ESRRG: variants seen among roughly 807,000 people sequenced by gnomAD.
ESRRG encodes the protein estrogen related receptor gamma.
Under a neutral mutation model 44.0 loss-of-function variants are expected in ESRRG, and 13 were observed. The ratio of observed to expected loss-of-function variants is 0.30; its 90% CI spans 0.19 to 0.47. The LOEUF is 0.47. Among genes scored for constraint, ESRRG ranks in the 20% least tolerant of loss-of-function variants. The pLI, the probability that ESRRG is intolerant of heterozygous loss-of-function variation, is 1.00. For missense variants in ESRRG, 395 were observed against 580.6 expected, an observed-to-expected ratio of 0.68 and a Z score of 3.29; for synonymous variants, 215 against 214.6, an observed-to-expected ratio of 1.00 and a Z score of -0.02.
intron 1 of ESRRG, among the ~76,000 whole-genome samples, chr1:217,088,398 C>CTTTTTTTTTTTTTTTTT (rs71585811): frequency 8.4e-5 from 5 of 59,738 alleles, no homozygotes; most frequent in African/African-American, 3.6e-4. Context: ...TTTTTCCTGT[C>CTTTTTTTTTTTTTTTTT]TTTTTTTTTT....
At chr1:216,990,964 T>A (rs1560389529) in intron 1 of ESRRG, among the ~76,000 whole-genome samples, 1 of 151,884 alleles carries the variant, frequency 6.6e-6, no homozygotes, top group East Asian at 1.9e-4. Flanking sequence ...CCCATATACA[T>A]CCATGGCCTG....
chr1:217,115,534 C>G lies in ESRRG; in HGVS notation c.-230+22133G>C, dbSNP rs116496221. 6.2e-3 allele frequency among the ~76,000 whole-genome samples: 946 copies of G among 152,232 alleles called. 10 individuals carry two copies. The highest frequency in any genetic ancestry group is 0.022 in the African/African-American group (906 of 41,562). ...ATTCACACTTCTCCAGCTTCACTCTCCTGCTTGCTCGAACATACCAGGCAT... is the reference window on the plus strand; with the variant it reads ...ATTCACACTTCTCCAGCTTCACTCTGCTGCTTGCTCGAACATACCAGGCAT... On this transcript the variant is annotated intron_variant, in intron 1 of 8. Coordinates refer to the ESRRG transcript ENST00000366940.
intron 2 of ESRRG, among the ~76,000 whole-genome samples, chr1:216,767,280 C>T (rs776329742): frequency 2.6e-4 from 39 of 152,166 alleles, no homozygotes; most frequent in Non-Finnish European, 5.0e-4. Context: ...CACACACACA[C>T]ACACGCAAAG....
At chr1:217,090,060 T>G (rs564537331), upstream of ESRRG, among the ~76,000 whole-genome samples, 1 of 152,190 alleles carries the variant, frequency 6.6e-6, no homozygotes, top group African/African-American at 2.4e-5. Flanking sequence ...GGCACTGTCA[T>G]GATTTGATTG....
intron 2 of ESRRG, among the ~76,000 whole-genome samples, chr1:216,742,358 T>A (rs2090856331): frequency 6.6e-6 from 1 of 152,142 alleles, no homozygotes; most frequent in African/African-American, 2.4e-5. Flanking sequence ...CTCTAAAGAC[T>A]GTTGGGGGAA....
At chr1:216,927,951 C>G (rs150118292) in intron 2 of ESRRG, among the ~76,000 whole-genome samples, 2 of 152,144 alleles carry the variant, frequency 1.3e-5, no homozygotes, top group African/African-American at 2.4e-5. Context: ...TCTTTAACTT[C>G]GAAAGAATTC....
chr1:216,901,874 C>T (rs973756494), intron 2 of ESRRG, among the ~76,000 whole-genome samples: 3 of 152,050 alleles, frequency 2.0e-5, no homozygotes, highest in Non-Finnish European at 4.4e-5. Flanking sequence ...TGCCTCAGCC[C>T]CCCAAGCATC....
intron 2 of ESRRG, among the ~76,000 whole-genome samples, chr1:216,936,992 C>G (rs539113446): frequency 6.6e-6 from 1 of 152,106 alleles, no homozygotes; most frequent in Non-Finnish European, 1.5e-5. Context: ...AACATCCCCC[C>G]TGCAGACTGG....
At chr1:216,853,661 C>T (rs556709078) in intron 2 of ESRRG, among the ~76,000 whole-genome samples, 130 of 152,240 alleles carry the variant, frequency 8.5e-4, no homozygotes, top group African/African-American at 3.0e-3. Flanking sequence ...TTCCAAAGAC[C>T]GGGTAAACTC....
At chr1:217,102,657 C>A (rs2092534737) in intron 1 of ESRRG, among the ~76,000 whole-genome samples, 1 of 152,172 alleles carries the variant, frequency 6.6e-6, no homozygotes, top group South Asian at 2.1e-4. Flanking sequence ...TTTTGTCCTT[C>A]ATTTATTCTT....
intron 2 of ESRRG, among the ~76,000 whole-genome samples, chr1:216,928,803 A>G (rs546058987): frequency 1.7e-4 from 26 of 152,248 alleles, no homozygotes; most frequent in Non-Finnish European, 3.5e-4. Flanking sequence ...GATACATGCT[A>G]CAGCCAGGAT....
intron 2 of ESRRG, among the ~76,000 whole-genome samples, chr1:216,937,682 C>G (rs142005919): frequency 6.6e-6 from 1 of 152,146 alleles, no homozygotes; most frequent in South Asian, 2.1e-4. Flanking sequence ...CAAGTCTCTA[C>G]ACTCTTCAAC....
intron 1 of ESRRG, among the ~76,000 whole-genome samples, chr1:217,026,786 C>A (rs2150977789): frequency 6.6e-6 from 1 of 152,044 alleles, no homozygotes; most frequent in South Asian, 2.1e-4. Flanking sequence ...ACATTCCATG[C>A]AGAGTCCCCA....
At chr1:217,137,283 T>C (rs146829698) in intron 1 of ESRRG, among the ~76,000 whole-genome samples, 1 of 152,308 alleles carries the variant, frequency 6.6e-6, no homozygotes, top group Non-Finnish European at 1.5e-5. Context: ...AGTTACCTCC[T>C]CCTAAGACCG....
At chr1:216,792,875 A>AT (rs2094363011) in intron 2 of ESRRG, among the ~76,000 whole-genome samples, 1 of 152,124 alleles carries the variant, frequency 6.6e-6, no homozygotes, top group South Asian at 2.1e-4. Context: ...TGCTGTTCCC[A>AT]TTTCCATTTT....
At chr1:217,083,597 T>A (rs1284135076) in intron 1 of ESRRG, among the ~76,000 whole-genome samples, 3 of 152,136 alleles carry the variant, frequency 2.0e-5, no homozygotes, top group African/African-American at 7.2e-5. Context: ...CCATTTCGAG[T>A]GACCTTTAGC....
intron 2 of ESRRG, among the ~76,000 whole-genome samples, chr1:216,923,137 C>T (rs1010077013): frequency 4.6e-5 from 7 of 152,194 alleles, no homozygotes; most frequent in Non-Finnish European, 1.0e-4. Context: ...GCTTGCAATT[C>T]GTTAAAATCA....
chr1:216,670,049 CAT>C (rs964117271), intron 2 of ESRRG, among the ~76,000 whole-genome samples: 11 of 152,252 alleles, frequency 7.2e-5, no homozygotes, highest in African/African-American at 2.6e-4. Context: ...AATTTTATAA[CAT>C]ATTAGAGTTT....
At chr1:217,094,035 A>T (rs538804977), upstream of ESRRG, among the ~76,000 whole-genome samples, 1 of 151,942 alleles carries the variant, frequency 6.6e-6, no homozygotes, top group East Asian at 2.0e-4. Context: ...GGTACGTGCC[A>T]CCATGCCCAG....
Sources: allele counts gnomAD v4.1 joint callset (sites outside exome capture counted in the v4.1 genomes callset), GRCh38; gene constraint gnomAD v4.1.1; transcripts MANE v1.5; gene names NCBI Gene and HGNC (gene_info 2026-07-23, HGNC 2026-07-21).